DCTN6: variants seen among roughly 807,000 people sequenced by gnomAD.
DCTN6 encodes the protein dynactin subunit 6.
Under a neutral mutation model 25.8 loss-of-function variants are expected in DCTN6, and 15 were observed. That is an observed-to-expected ratio of 0.58 (90% CI 0.39 to 0.89). DCTN6 has a LOEUF of 0.89. Among genes scored for constraint, DCTN6 ranks in the 40% least tolerant of loss-of-function variants. The pLI is 0.00. For synonymous variants in DCTN6, 64 were observed against 78.3 expected (o/e 0.82, Z 0.96); for missense variants, 198 against 237.6 (o/e 0.83, Z 1.09).
intron 1 of DCTN6, among the ~76,000 whole-genome samples, chr8:30,157,724 G>A (rs557274503): frequency 8.5e-5 from 13 of 152,290 alleles, no homozygotes; most frequent in African/African-American, 3.1e-4. Flanking sequence ...GCTGGGATGA[G>A]ACAAGTGCAT....
chr8:30,181,899 A>G (rs1803915126), intron 6 of DCTN6, among the ~76,000 whole-genome samples: 1 of 151,952 alleles, frequency 6.6e-6, no homozygotes, highest in African/African-American at 2.4e-5. Context: ...GTTTCAAGAC[A>G]TAACTTTGCT....
intron 2 of DCTN6, among the ~76,000 whole-genome samples, chr8:30,164,516 G>T (rs551315234): frequency 2.0e-5 from 3 of 152,336 alleles, no homozygotes; most frequent in African/African-American, 7.2e-5. Flanking sequence ...GTGGAGCTTC[G>T]TGGAGAGCGT....
chr8:30,156,861 T>G (rs928622029), intron 1 of DCTN6, among the ~76,000 whole-genome samples: 78 of 152,302 alleles, frequency 5.1e-4, no homozygotes, highest in African/African-American at 1.4e-3. Flanking sequence ...AGGCCCTTCC[T>G]GTCTCTGGAG....
At chr8:30,163,605 A>G (rs1307030966) in intron 1 of DCTN6, among the ~76,000 whole-genome samples, 1 of 152,150 alleles carries the variant, frequency 6.6e-6, no homozygotes, top group Non-Finnish European at 1.5e-5. Context: ...GTGTTTTAGC[A>G]CATGTGATTT....
chr8:30,158,132 G>C (rs141273384), intron 1 of DCTN6, among the ~76,000 whole-genome samples: 1 of 152,166 alleles, frequency 6.6e-6, no homozygotes, highest in Non-Finnish European at 1.5e-5. Context: ...TGATTGTGAC[G>C]CAAGCATTAC....
At chr8:30,168,814 C>T (rs1803722655) in intron 2 of DCTN6, among the ~76,000 whole-genome samples, 1 of 152,210 alleles carries the variant, frequency 6.6e-6, no homozygotes, top group African/African-American at 2.4e-5. Context: ...TTATTCAAGG[C>T]TGTTCAGAGA....
In DCTN6 at chr8:30,183,541, T is replaced by C. The variant is rs1803937316; in HGVS notation, c.*368T>C. On this transcript the variant is annotated 3_prime_UTR_variant, in exon 7 of 7. Transcript: ENST00000221114. ...GAATAAAAATGCTGATAACAGGACCTTTAGTAAGCATACTTTAATCAGTTT... is the reference window on the plus strand; with the variant it reads ...GAATAAAAATGCTGATAACAGGACCCTTAGTAAGCATACTTTAATCAGTTT... 1 of 155,884 alleles carries C rather than the reference T, an allele frequency of 6.4e-6. No individual in the cohort carries two copies. The highest frequency in any genetic ancestry group is 2.4e-5 in the African/African-American group (1 of 41,572). The allele number at this position is 155,884 out of a possible 1,614,324, so 9.7% of individuals were successfully genotyped here.
chr8:30,172,265 G>A (rs1803773219), intron 2 of DCTN6, among the ~76,000 whole-genome samples: 1 of 151,954 alleles, frequency 6.6e-6, no homozygotes, highest in Non-Finnish European at 1.5e-5. Context: ...ATACTTTTCA[G>A]CCATTAAAAA....
At chr8:30,174,387 C>T (rs1304899398) in intron 2 of DCTN6, among the ~76,000 whole-genome samples, 2 of 151,562 alleles carry the variant, frequency 1.3e-5, no homozygotes, top group African/African-American at 4.9e-5. Flanking sequence ...GGCTGGAGTA[C>T]AGTGGCATGA....
At chr8:30,173,341 A>G (rs1024248310) in intron 2 of DCTN6, among the ~76,000 whole-genome samples, 1 of 152,232 alleles carries the variant, frequency 6.6e-6, no homozygotes, top group African/African-American at 2.4e-5. Context: ...TTTTCAAGAT[A>G]ACAAGTTCAA....
intron 3 of DCTN6, 180 bp from the exon 4 acceptor site, chr8:30,176,946 C>T: frequency 2.0e-6 from 1 of 498,686 alleles, no homozygotes; most frequent in South Asian, 2.2e-5. Flanking sequence ...CTGTACCAGC[C>T]TGGGTGATAG....
intron 1 of DCTN6, among the ~76,000 whole-genome samples, chr8:30,160,901 A>C (rs1803585927): frequency 6.6e-6 from 1 of 152,188 alleles, no homozygotes. Context: ...CCTACCTTCA[A>C]CGTTGCCTAG....
In DCTN6 at chr8:30,156,383, C is replaced by T. The variant is rs1456944162; in HGVS notation, c.-1C>T. The T allele has an allele frequency of 3.1e-6, 5 of 1,606,098 alleles. No individual in the cohort carries two copies. Among genetic ancestry groups the T allele is most frequent in the Middle Eastern group, 1.7e-4 (1 of 6,002 alleles). On this transcript the variant is annotated 5_prime_UTR_variant, in exon 1 of 7. Transcript: ENST00000221114. ...ATCTACGTTCCAATTGGGGCCGTAC[C>T]ATGGCGGAGAAGACTCAAAAGAGGT...
intron 6 of DCTN6, 44 bp from the exon 7 acceptor site, chr8:30,183,031 A>T: frequency 6.4e-7 from 1 of 1,568,328 alleles, no homozygotes; most frequent in East Asian, 2.2e-5. Flanking sequence ...GGTACTCTTG[A>T]CTTTGCTTTC....
Position 30,180,508 on chromosome 8 carries a change from A to C in DCTN6, c.352A>C (p.Ile118Leu). 4 of 1,613,526 alleles carry C rather than the reference A, an allele frequency of 2.5e-6. No homozygotes were observed. The highest frequency in any genetic ancestry group is 3.4e-6 in the Non-Finnish European group (4 of 1,179,772). ...ESKAYVGRNVILTSGCIIGAC... is the reference protein window; with the variant it reads ...ESKAYVGRNVLLTSGCIIGAC... Reference sequence around the variant, plus strand: ...TGCAGCATATGTAGGCAGAAATGTAATATTGACAAGTGGCTGCATCATTGG... The same window carrying C: ...TGCAGCATATGTAGGCAGAAATGTACTATTGACAAGTGGCTGCATCATTGG... The change falls in exon 6 of 7, where the codon ATA (isoleucine) becomes CTA (leucine). Residue 118 changes from isoleucine to leucine, a missense_variant. By Grantham distance (5) the Ile-to-Leu change is conservative. Transcript: ENST00000221114.
intron 2 of DCTN6, among the ~76,000 whole-genome samples, chr8:30,174,756 G>A (rs1024690887): frequency 5.3e-5 from 8 of 152,024 alleles, no homozygotes; most frequent in Non-Finnish European, 1.2e-4. Flanking sequence ...CAGCATTATC[G>A]CCCCTAGCCC....
At chr8:30,159,001 C>T (rs1176686592) in intron 1 of DCTN6, among the ~76,000 whole-genome samples, 4 of 152,116 alleles carry the variant, frequency 2.6e-5, no homozygotes, top group South Asian at 2.1e-4. Context: ...AGGCTGATCT[C>T]GAACTCCTGA....
At position 30,164,274 on chromosome 8, in the gene DCTN6, A is replaced by T. The variant is rs1192885375; in HGVS notation, c.88+99A>T. 5.3e-5 allele frequency: 49 copies of T among 923,708 alleles called. No homozygotes were observed. In the East Asian group the frequency reaches 1.2e-3, roughly 23 times the overall value. 57.2% of individuals were successfully genotyped at this position (923,708 alleles called of 1,614,324 possible). On this transcript the variant is annotated intron_variant, in intron 2 of 6. Coordinates refer to ENST00000221114, the MANE Select transcript of DCTN6 (RefSeq NM_006571.4). The stretch of plus-strand genomic sequence containing the variant: ...ACCGTCTTCCATGTTTATTTCACTG[A>T]TGTCCTAGTTTTATTGACAAAATAA...
intron 4 of DCTN6, among the ~76,000 whole-genome samples, 189 bp from the exon 5 acceptor site, chr8:30,179,219 A>G (rs571495658): frequency 6.6e-6 from 1 of 152,304 alleles, no homozygotes; most frequent in East Asian, 1.9e-4. Flanking sequence ...ATTTATACCT[A>G]GAGATACTTA....
Sources: gnomAD v4.1 joint callset for allele counts (sites outside exome capture counted in the v4.1 genomes callset) on GRCh38, gnomAD v4.1.1 for gene constraint, MANE v1.5 for transcripts, NCBI Gene and HGNC (gene_info 2026-07-23, HGNC 2026-07-21) for gene names.